The following ACER3 variants were observed in gnomAD, a reference collection of about 807,000 sequenced individuals.
ACER3 encodes the protein alkaline ceramidase 3.
A neutral mutation model predicts 48.9 loss-of-function variants in ACER3; 16 were observed. The observed-to-expected ratio is 0.33, with a 90% CI of 0.22 to 0.50. ACER3 has a LOEUF of 0.50. ACER3 is among the 20% of genes least tolerant of loss of function. The pLI is 0.98. For synonymous variants in ACER3, 109 were observed against 107.8 expected (o/e 1.01, Z -0.07); for missense variants, 227 against 326.0 (o/e 0.70, Z 2.34).
intron 5 of ACER3, among the ~76,000 whole-genome samples, chr11:76,990,133 A>G (rs73491443): frequency 0.026 from 3,984 of 152,332 alleles, 164 homozygotes; most frequent in African/African-American, 0.091. Flanking sequence ...CAAGGCATGT[A>G]GCAAGTAAGT....
At chr11:76,950,386 TATATATATATATATATATATATATA>T (rs1350957078) in intron 2 of ACER3, among the ~76,000 whole-genome samples, 413 of 29,858 alleles carry the variant, frequency 0.014, 33 homozygotes, top group Non-Finnish European at 0.024. Flanking sequence ...TATATATATA[TATATATATATATATATATATATATA>T]ATTTACACAT....
At chr11:76,990,377 T>C (rs1005574586) in intron 5 of ACER3, among the ~76,000 whole-genome samples, 162 bp from the exon 6 acceptor site, 4 of 152,208 alleles carry the variant, frequency 2.6e-5, no homozygotes, top group African/African-American at 7.2e-5. Flanking sequence ...CTAGCTCTCC[T>C]GTGGCATGCC....
chr11:76,867,494 A>AAAAAG (rs1945125435), intron 1 of ACER3, among the ~76,000 whole-genome samples: 1 of 39,868 alleles, frequency 2.5e-5, no homozygotes, highest in African/African-American at 5.0e-5. Flanking sequence ...AAAAAAAAAA[A>AAAAAG]AAAGAAAGAA....
chr11:76,898,154 C>G (rs1945982634), intron 1 of ACER3, among the ~76,000 whole-genome samples: 1 of 151,840 alleles, frequency 6.6e-6, no homozygotes, highest in Admixed American at 6.6e-5. Context: ...TGCTTTTGTG[C>G]CATTAATGTA....
In ACER3 at chr11:76,870,719, G is replaced by A. The variant is rs538630332; in HGVS notation, c.103+9640G>A. ...ACAATTGTTAATGTACTTTATCCCTGTTTTAATTAATCAAAGGTACATGTA... is the reference window on the plus strand; with the variant it reads ...ACAATTGTTAATGTACTTTATCCCTATTTTAATTAATCAAAGGTACATGTA... On this transcript the variant is annotated intron_variant, in intron 1 of 10. Coordinates refer to ENST00000532485, the MANE Select transcript of ACER3 (RefSeq NM_018367.7). Among the ~76,000 whole-genome samples, 4 of 152,032 alleles carry A rather than the reference G, an allele frequency of 2.6e-5. 1 individual carries two copies. The South Asian group carries it at 8.3e-4, about 32-fold the overall frequency.
chr11:76,892,665 C>G (rs1945834977), intron 1 of ACER3, among the ~76,000 whole-genome samples: 2 of 152,076 alleles, frequency 1.3e-5, no homozygotes, highest in Non-Finnish European at 2.9e-5. Context: ...TAGCATAATT[C>G]ATTTGAGAGA....
chr11:76,903,853 C>T (rs1946146728), intron 1 of ACER3, among the ~76,000 whole-genome samples: 1 of 152,126 alleles, frequency 6.6e-6, no homozygotes, highest in South Asian at 2.1e-4. Context: ...TTTCCTGATC[C>T]AGGAGAGTGT....
At chr11:76,938,397 C>T (rs1406717239) in intron 2 of ACER3, among the ~76,000 whole-genome samples, 2 of 152,158 alleles carry the variant, frequency 1.3e-5, no homozygotes, top group African/African-American at 4.8e-5. Context: ...CGGCTTACTG[C>T]GGCCTCAACC....
intron 4 of ACER3, 107 bp downstream of exon 4, chr11:76,976,448 T>A: frequency 1.6e-6 from 1 of 621,264 alleles, no homozygotes; most frequent in African/African-American, 1.9e-5. Context: ...ATTTTAATAA[T>A]GTAGAAGATT....
At chr11:77,002,280 A>G (rs1949048747) in intron 7 of ACER3, among the ~76,000 whole-genome samples, 2 of 152,202 alleles carry the variant, frequency 1.3e-5, no homozygotes, top group South Asian at 4.1e-4. Flanking sequence ...AAATGGACCT[A>G]TAATACACTC....
intron 7 of ACER3, among the ~76,000 whole-genome samples, chr11:77,001,247 TG>T: frequency 6.6e-6 from 1 of 152,124 alleles, no homozygotes; most frequent in East Asian, 1.9e-4. Context: ...TAGATTTTTT[TG>T]TTTTGTTTTG....
At chr11:76,868,132 C>T (rs1402787956) in intron 1 of ACER3, 20 of 1,289,596 alleles carry the variant, frequency 1.6e-5, no homozygotes, top group Non-Finnish European at 2.0e-5. Context: ...TCCTTCCTAC[C>T]ATCCTCCCTG....
At chr11:76,976,124 C>A (rs569318833) in intron 3 of ACER3, among the ~76,000 whole-genome samples, 165 bp from the exon 4 acceptor site, 31 of 152,110 alleles carry the variant, frequency 2.0e-4, no homozygotes, top group African/African-American at 7.5e-4. Context: ...TAAGTTCAAG[C>A]GATCTTCCAA....
chr11:76,928,479 G>T (rs1946898401), intron 2 of ACER3, among the ~76,000 whole-genome samples: 2 of 152,112 alleles, frequency 1.3e-5, no homozygotes, highest in South Asian at 4.1e-4. Context: ...GATCCCATTT[G>T]TCAATTTTGG....
At chr11:76,881,749 C>T (rs1945532415) in intron 1 of ACER3, among the ~76,000 whole-genome samples, 1 of 152,136 alleles carries the variant, frequency 6.6e-6, no homozygotes, top group Admixed American at 6.5e-5. Context: ...TCTTTTGTAG[C>T]TTACCATTTC....
intron 2 of ACER3, among the ~76,000 whole-genome samples, chr11:76,932,164 A>T (rs1239423106): frequency 6.6e-6 from 1 of 151,950 alleles, no homozygotes; most frequent in African/African-American, 2.4e-5. Flanking sequence ...TGCCCAGGCT[A>T]ATCTCAAACT....
At chr11:76,903,506 A>G (rs1409129406) in intron 1 of ACER3, among the ~76,000 whole-genome samples, 2 of 130,624 alleles carry the variant, frequency 1.5e-5, no homozygotes, top group African/African-American at 5.6e-5. Context: ...GGGAATCCCA[A>G]AGAAACCTGA....
chr11:76,881,318 A>AAACCCCATCT (rs1945520781), intron 1 of ACER3, among the ~76,000 whole-genome samples: 1 of 151,672 alleles, frequency 6.6e-6, no homozygotes. Flanking sequence ...TAACAGGGCA[A>AAACCCCATCT]CAAATTATCA....
At chr11:76,954,988 C>T (rs1947797686) in intron 2 of ACER3, among the ~76,000 whole-genome samples, 1 of 152,148 alleles carries the variant, frequency 6.6e-6, no homozygotes, top group Admixed American at 6.5e-5. Flanking sequence ...AGTGGAAATG[C>T]TTGGAGTATT....
Sources: allele counts gnomAD v4.1 joint callset (sites outside exome capture counted in the v4.1 genomes callset), GRCh38; gene constraint gnomAD v4.1.1; transcripts MANE v1.5; gene names NCBI Gene and HGNC (gene_info 2026-07-23, HGNC 2026-07-21).